USP54: variants seen among roughly 807,000 people sequenced by gnomAD.
The protein encoded by USP54 is ubiquitin carboxyl-terminal hydrolase 54.
USP54 carries 87 observed loss-of-function variants against 170.5 expected under a neutral mutation model. The observed-to-expected ratio is 0.51, with a 90% CI of 0.43 to 0.61. The LOEUF is 0.61. Among genes scored for constraint, USP54 ranks in the 20% least tolerant of loss-of-function variants. USP54 has a pLI of 0.00. For synonymous variants in USP54, 655 were observed against 742.8 expected (o/e 0.88, Z 1.92); for missense variants, 1,786 against 2,047.8 (o/e 0.87, Z 2.47).
intron 1 of USP54, among the ~76,000 whole-genome samples, chr10:73,585,858 T>C (rs1297348395): frequency 6.6e-6 from 1 of 151,968 alleles, no homozygotes; most frequent in Non-Finnish European, 1.5e-5. Flanking sequence ...CCGTCTCTAC[T>C]AAAAATACAA....
chr10:73,582,036 G>C (rs2076959403), intron 1 of USP54, among the ~76,000 whole-genome samples: 1 of 152,140 alleles, frequency 6.6e-6, no homozygotes, highest in Non-Finnish European at 1.5e-5. Flanking sequence ...TAATAAACCA[G>C]GCTCCAGCTG....
rs2061245041 is a variant in USP54 at position 73,517,493 on chromosome 10, G to A, written c.2933C>T (p.Pro978Leu). Residue 978 changes from proline to leucine, a missense_variant, in exon 20 of 24, where the codon CCA becomes CTA. Pro to Leu is a moderately conservative substitution (Grantham distance 98). Around this residue, in one of 3 missense-constraint regions of USP54, gnomAD observed 1,418 missense variants for 1,569.0 expected, o/e 0.90. Coordinates refer to ENST00000687698, the MANE Select transcript of USP54 (RefSeq NM_001391956.1). The part of the protein sequence containing the change: ...AFHRQGLPKA[P>L]GWTEKNSHHS... The stretch of plus-strand genomic sequence containing the variant: ...ATGAGAATTCTTCTCAGTCCACCCT[G>A]GTGCTTTAGGTAAACCTTGCCTGTG... The A allele has an allele frequency of 1.2e-6, 2 of 1,614,054 alleles. No homozygotes were observed. Among genetic ancestry groups the A allele is most frequent in the Admixed American group, 1.7e-5 (1 of 60,006 alleles).
At position 73,576,259 on chromosome 10, in the gene USP54, C is replaced by T. The variant is rs1045770281; in HGVS notation, c.-479G>A. 3.3e-5 allele frequency: 5 copies of T among 152,178 alleles called. No individual in the cohort carries two copies. The highest frequency in any genetic ancestry group is 7.3e-5 in the Non-Finnish European group (5 of 68,044). The allele number at this position is 152,178 out of a possible 1,614,324, so 9.4% of individuals were successfully genotyped here. A position where few individuals can be genotyped will look rare whatever the true frequency, so the allele number is the denominator to read the frequency against. ...TCTGAGGTTTTTGTTGATGTTCTTG[C>T]TGCTTCTTTTTAATGTGCCCCAAAC... On this transcript the variant is annotated 5_prime_UTR_variant, in exon 2 of 24. Transcript: ENST00000687698.
rs2062919352 is a variant in USP54, at chr10:73,526,643, T to C, written c.2194+4A>G. 6.2e-7 allele frequency: 1 copy of C among 1,613,796 alleles called. No homozygotes were observed. Among genetic ancestry groups the C allele is most frequent in the Non-Finnish European group, 8.5e-7 (1 of 1,179,918 alleles). ...GTCCTCAAATTCAGTGTCATTCTGCTTACCAGAGAAAGGCTGACTCTTTGT... is the reference window on the plus strand; with the variant it reads ...GTCCTCAAATTCAGTGTCATTCTGCCTACCAGAGAAAGGCTGACTCTTTGT... On this transcript the variant is annotated splice_donor_region_variant and intron_variant, in intron 16 of 23. Coordinates refer to ENST00000687698, the MANE Select transcript of USP54 (RefSeq NM_001391956.1).
Position 73,534,661 on chromosome 10 carries a change from A to G in USP54, c.1254T>C (p.Ser418=), listed in dbSNP as rs2064852868. The G allele has an allele frequency of 6.2e-7, 1 of 1,614,066 alleles. No homozygotes were observed. The highest frequency in any genetic ancestry group is 1.3e-5 in the African/African-American group (1 of 74,918). ...ESVVSHFSSD[S]QGTVIYNVEN... ...CCACATTATAGATGACTGTCCCCTG[A>G]GAATCAGAAGAGAAGTGACTGACCA... is the stretch of plus-strand genomic sequence containing the variant. Residue 418 remains serine, a synonymous_variant, in exon 12 of 24, where the codon TCT becomes TCC. Coordinates refer to ENST00000687698, the MANE Select transcript of USP54 (RefSeq NM_001391956.1).
intron 1 of USP54, among the ~76,000 whole-genome samples, chr10:73,578,058 C>G (rs1196796193): frequency 2.6e-5 from 4 of 152,162 alleles, no homozygotes; most frequent in Non-Finnish European, 5.9e-5. Flanking sequence ...ACTCAGCCTG[C>G]CCTATGACAC....
chr10:73,544,718 TC>T (rs1327034822), intron 5 of USP54, among the ~76,000 whole-genome samples: 2 of 152,014 alleles, frequency 1.3e-5, no homozygotes, highest in Non-Finnish European at 2.9e-5. Flanking sequence ...CTTTTTTTTT[TC>T]TTTTTTTCTT....
At chr10:73,544,994 G>A (rs1342527145) in intron 5 of USP54, among the ~76,000 whole-genome samples, 2 of 152,112 alleles carry the variant, frequency 1.3e-5, no homozygotes, top group African/African-American at 4.8e-5. Flanking sequence ...TTACAGGCAT[G>A]AGCCACCATG....
At chr10:73,525,556 A>C (rs1188943332) in intron 16 of USP54, among the ~76,000 whole-genome samples, 1 of 152,212 alleles carries the variant, frequency 6.6e-6, no homozygotes, top group African/African-American at 2.4e-5. Flanking sequence ...AATGCTGGCT[A>C]TCTGAAGAGA....
chr10:73,543,074 A>G lies in USP54; in HGVS notation c.433T>C (p.Cys145Arg). ...HIADETKEDI[C>R]TAQHCISHQK... ...TGGGAAATGCAGTGTTGGGCAGTAC[A>G]TATATCCTCTTTGGTTTCATCAGCA... Residue 145 changes from cysteine (C) to arginine (R), a missense_variant, in exon 6 of 24, where the codon TGT becomes CGT. Cys to Arg is a radical substitution (Grantham distance 180). This residue lies in a region of USP54 where 361 missense variants were observed against 455.0 expected (regional missense o/e 0.79). Transcript: ENST00000687698. The G allele has an allele frequency of 1.2e-6, 2 of 1,614,192 alleles. No homozygotes were observed. The highest frequency in any genetic ancestry group is 1.7e-6 in the Non-Finnish European group (2 of 1,180,030).
At chr10:73,501,109 C>G (rs1330479590) in intron 22 of USP54, among the ~76,000 whole-genome samples, 1 of 152,006 alleles carries the variant, frequency 6.6e-6, no homozygotes, top group African/African-American at 2.4e-5. Flanking sequence ...CTTTAGCAAA[C>G]TCCTTAATGC....
upstream of USP54, among the ~76,000 whole-genome samples, chr10:73,592,565 GGTA>G (rs2078355424): frequency 6.6e-6 from 1 of 151,952 alleles, no homozygotes; most frequent in Non-Finnish European, 1.5e-5. Flanking sequence ...TGGAGGAGGA[GGTA>G]GTAATGCCAT....
chr10:73,621,236 G>GA (rs796534655), intron 1 of USP54, among the ~76,000 whole-genome samples: 16 of 142,950 alleles, frequency 1.1e-4, no homozygotes, highest in Admixed American at 1.4e-4. Flanking sequence ...AATATAGAGT[G>GA]AAAAAAAAAA....
At chr10:73,501,046 C>T (rs1204566585) in intron 22 of USP54, among the ~76,000 whole-genome samples, 1 of 152,154 alleles carries the variant, frequency 6.6e-6, no homozygotes, top group Admixed American at 6.5e-5. Context: ...AGATCCTTAT[C>T]CCTTAACCAG....
At chr10:73,527,495 T>C (rs1160306991) in intron 15 of USP54, among the ~76,000 whole-genome samples, 1 of 110,872 alleles carries the variant, frequency 9.0e-6, no homozygotes, top group Non-Finnish European at 1.7e-5. Flanking sequence ...AGACACTCCA[T>C]CTCAAAAAAA....
intron 22 of USP54, among the ~76,000 whole-genome samples, chr10:73,502,577 T>C (rs894768327): frequency 6.6e-6 from 1 of 151,936 alleles, no homozygotes; most frequent in African/African-American, 2.4e-5. Context: ...CCTCCCAAAG[T>C]GCTGGGATTA....
rs2057398036 is a variant in USP54 at position 73,498,476 on chromosome 10, A to G, written c.*153T>C. ...ATTTTGGTAGAGACGGGGTTTCACC[A>G]TGTTGGCCAGGATGGTCTCAATCTC... On this transcript the variant is annotated 3_prime_UTR_variant, in exon 24 of 24. Transcript: ENST00000687698. 1 of 621,876 alleles carries G rather than the reference A, an allele frequency of 1.6e-6. No individual in the cohort carries two copies. Among genetic ancestry groups the G allele is most frequent in the Non-Finnish European group, 2.5e-6 (1 of 403,142 alleles). The allele number at this position is 621,876 out of a possible 1,614,324, so 38.5% of individuals were successfully genotyped here.
chr10:73,538,473 TG>T (rs1295782340), intron 10 of USP54: 1 of 151,136 alleles, frequency 6.6e-6, no homozygotes, highest in African/African-American at 2.4e-5. Flanking sequence ...TTCTCAGGAC[TG>T]AAGAAAAACT....
At chr10:73,594,480 C>G (rs1408282209), upstream of USP54, among the ~76,000 whole-genome samples, 1 of 152,112 alleles carries the variant, frequency 6.6e-6, no homozygotes, top group Admixed American at 6.6e-5. Context: ...TCACAGCTCA[C>G]TGAACCCTCA....
Sources: gnomAD v4.1 joint callset for allele counts (sites outside exome capture counted in the v4.1 genomes callset) on GRCh38, gnomAD v4.1.1 for gene constraint, gnomAD v4.1.1 regional missense constraint, MANE v1.5 for transcripts, NCBI Gene and HGNC (gene_info 2026-07-23, HGNC 2026-07-21) for gene names.